ADAMTSL1: variants seen among roughly 807,000 people sequenced by gnomAD.
ADAMTSL1 encodes ADAMTS like 1.
A neutral mutation model predicts 201.8 loss-of-function variants in ADAMTSL1; 126 were observed. The observed-to-expected ratio is 0.62, with a 90% CI of 0.54 to 0.72. ADAMTSL1 has a LOEUF of 0.72. Among genes scored for constraint, ADAMTSL1 ranks in the 30% least tolerant of loss-of-function variants. The pLI, the probability that ADAMTSL1 is intolerant of heterozygous loss-of-function variation, is 0.00. For missense variants in ADAMTSL1, 2,679 were observed against 2,277.8 expected, an observed-to-expected ratio of 1.18 and a Z score of -3.59; for synonymous variants, 1,121 against 903.4, an observed-to-expected ratio of 1.24 and a Z score of -4.32.
intron 2 of ADAMTSL1, among the ~76,000 whole-genome samples, chr9:18,240,800 T>C (rs1325173563): frequency 6.6e-6 from 1 of 152,226 alleles, no homozygotes; most frequent in Non-Finnish European, 1.5e-5. Context: ...ATCTTCTGGA[T>C]AACTTGCTGC....
intron 15 of ADAMTSL1, among the ~76,000 whole-genome samples, chr9:18,725,822 T>C (rs473817): frequency 0.49 from 73,909 of 152,150 alleles, 18,263 homozygotes; most frequent in Middle Eastern, 0.68. Flanking sequence ...TTTATATACA[T>C]ATAAGAAGAT....
intron 13 of ADAMTSL1, among the ~76,000 whole-genome samples, chr9:18,696,541 G>C (rs1407313559): frequency 2.0e-5 from 3 of 152,146 alleles, no homozygotes; most frequent in Non-Finnish European, 2.9e-5. Flanking sequence ...ATTAAGAACA[G>C]GTCAGTAAGG....
In ADAMTSL1 at chr9:18,356,321, C is replaced by G. The variant is rs371927710; in HGVS notation, c.208-148508C>G. ...CTTTCAGGCTTCGGGCTGTTTTTGG[C>G]TTGATGGTGGGGTTTCACCAGGGAC... On this transcript the variant is annotated intron_variant, in intron 2 of 29. Coordinates refer to the ADAMTSL1 transcript ENST00000680146. Among the ~76,000 whole-genome samples the G allele has an allele frequency of 2.0e-3, 297 of 152,106 alleles. 1 individual carries two copies. Among genetic ancestry groups the G allele is most frequent in the South Asian group, 9.4e-3 (45 of 4,806 alleles).
chr9:18,213,219 T>C (rs1829943193), intron 2 of ADAMTSL1, among the ~76,000 whole-genome samples: 1 of 152,232 alleles, frequency 6.6e-6, no homozygotes, highest in Non-Finnish European at 1.5e-5. Context: ...GATTGGATGG[T>C]ACACTATTAA....
At chr9:18,212,239 A>T (rs2132320944) in intron 2 of ADAMTSL1, among the ~76,000 whole-genome samples, 1 of 152,278 alleles carries the variant, frequency 6.6e-6, no homozygotes, top group East Asian at 1.9e-4. Context: ...CTTTGGGTTG[A>T]TTGAACAGCA....
intron 2 of ADAMTSL1, among the ~76,000 whole-genome samples, chr9:18,441,228 G>A (rs1371988393): frequency 3.3e-5 from 5 of 152,072 alleles, no homozygotes; most frequent in African/African-American, 1.2e-4. Flanking sequence ...AGTAATGATG[G>A]TTGTACAATC....
chr9:18,251,755 C>T (rs1471003110), intron 2 of ADAMTSL1, among the ~76,000 whole-genome samples: 1 of 152,130 alleles, frequency 6.6e-6, no homozygotes, highest in Non-Finnish European at 1.5e-5. Flanking sequence ...CAGGATAGAG[C>T]TGGCACGGGC....
chr9:18,681,706 GGGGC>G, intron 11 of ADAMTSL1, 102 bp from the exon 12 acceptor site: 1 of 569,266 alleles, frequency 1.8e-6, no homozygotes. Flanking sequence ...GTGGGGGGGG[GGGGC>G]GGGGAAAAAG....
rs544326888 is a variant in ADAMTSL1, at chr9:18,864,964, TTTAAGA to T, written c.4250-22862_4250-22857del. 1.9e-3 allele frequency among the ~76,000 whole-genome samples: 281 copies of T among 151,006 alleles called. 1 individual carries two copies. The highest frequency in any genetic ancestry group is 6.7e-3 in the African/African-American group (275 of 41,298). Reference sequence around the variant, plus strand: ...ATTCAGAGAGATGTCTTTTCTGGTGTTTAAGATTAAAAAAAAATCAATCACACATTT... The same window carrying T: ...ATTCAGAGAGATGTCTTTTCTGGTGTTTAAAAAAAAATCAATCACACATTT... On this transcript the variant is annotated intron_variant, in intron 23 of 28. Transcript: ENST00000380548.
chr9:18,869,874 T>C (rs1273047516), intron 23 of ADAMTSL1, among the ~76,000 whole-genome samples: 1 of 152,178 alleles, frequency 6.6e-6, no homozygotes, highest in African/African-American at 2.4e-5. Context: ...TCTTCCAATA[T>C]GTTTTAGTTA....
chr9:18,379,188 C>G (rs2133170734), intron 2 of ADAMTSL1, among the ~76,000 whole-genome samples: 1 of 152,324 alleles, frequency 6.6e-6, no homozygotes, highest in African/African-American at 2.4e-5. Context: ...TAGGCCCCAA[C>G]AGACCAGACC....
intron 1 of ADAMTSL1, among the ~76,000 whole-genome samples, chr9:17,954,689 T>C (rs1746733786): frequency 6.6e-6 from 1 of 152,092 alleles, no homozygotes; most frequent in African/African-American, 2.4e-5. Context: ...CTGTATAAGG[T>C]AGTTTGAGCC....
At chr9:18,124,565 G>C (rs1194976998) in intron 1 of ADAMTSL1, among the ~76,000 whole-genome samples, 3 of 152,028 alleles carry the variant, frequency 2.0e-5, no homozygotes, top group African/African-American at 4.8e-5. Flanking sequence ...GTCCTTTGAT[G>C]CATAAAAGTT....
At chr9:18,000,047 T>A (rs1177924199) in intron 1 of ADAMTSL1, among the ~76,000 whole-genome samples, 1 of 148,366 alleles carries the variant, frequency 6.7e-6, no homozygotes, top group Non-Finnish European at 1.5e-5. Context: ...CTATTGTGAA[T>A]AATGCCGCAA....
chr9:18,553,436 A>G (rs1159047294), intron 3 of ADAMTSL1, among the ~76,000 whole-genome samples: 1 of 151,512 alleles, frequency 6.6e-6, no homozygotes, highest in Non-Finnish European at 1.5e-5. Context: ...TTTTAGCTCT[A>G]TTTTTCTTAA....
chr9:18,256,259 G>A (rs1050880348), intron 2 of ADAMTSL1, among the ~76,000 whole-genome samples: 1 of 152,118 alleles, frequency 6.6e-6, no homozygotes, highest in African/African-American at 2.4e-5. Flanking sequence ...AAAGGGCATC[G>A]TACAGGCTGG....
At chr9:18,622,623 C>A (rs16936911) in intron 5 of ADAMTSL1, 46,251 of 581,332 alleles carry the variant, frequency 0.08, 2,275 homozygotes, top group South Asian at 0.16. Flanking sequence ...GCTACAAATA[C>A]TTTCTGTACA....
chr9:18,460,489 C>G lies in ADAMTSL1; in HGVS notation c.208-44340C>G, dbSNP rs114462985. The stretch of plus-strand genomic sequence containing the variant: ...ATGGCTGGAGAGAGTCCAGGGCACT[C>G]AAAAGTGAAGCAGACGGTTGTGAAA... On this transcript the variant is annotated intron_variant, in intron 2 of 29. Transcript: ENST00000680146. Among the ~76,000 whole-genome samples, 330 of 152,156 alleles carry G rather than the reference C, an allele frequency of 2.2e-3. 1 individual carries two copies. The highest frequency in any genetic ancestry group is 7.6e-3 in the African/African-American group (316 of 41,508).
In ADAMTSL1 at chr9:18,827,743, G is replaced by A. The variant is rs146588628; in HGVS notation, c.4114+1280G>A. On this transcript the variant is annotated intron_variant, in intron 22 of 28. Coordinates refer to ENST00000380548, the MANE Select transcript of ADAMTSL1 (RefSeq NM_001040272.6). ...GCCAATGAAGTGTGTATGTTCTGTA[G>A]GCAGGTGCTTACTGCATTCCAACTC... 2.0e-3 allele frequency among the ~76,000 whole-genome samples: 303 copies of A among 152,238 alleles called. 1 individual carries two copies. Among genetic ancestry groups the A allele is most frequent in the Admixed American group, 4.2e-3 (64 of 15,252 alleles).
Sources: gnomAD v4.1 joint callset for allele counts (sites outside exome capture counted in the v4.1 genomes callset) on GRCh38, gnomAD v4.1.1 for gene constraint, MANE v1.5 for transcripts, NCBI Gene and HGNC (gene_info 2026-07-23, HGNC 2026-07-21) for gene names.